The following MAF variants were observed in gnomAD, a reference collection of about 807,000 sequenced individuals.
MAF encodes the protein MAF bZIP transcription factor.
In MAF, 10 loss-of-function variants were observed where a neutral mutation model predicts 22.0. That is an observed-to-expected ratio of 0.45 (90% CI 0.28 to 0.77). The LOEUF (loss-of-function observed/expected upper bound fraction) is 0.77. Among genes scored for constraint, MAF ranks in the 30% least tolerant of loss-of-function variants. The pLI, the probability that MAF is intolerant of heterozygous loss-of-function variation, is 0.12. For missense variants in MAF, 544 were observed against 548.4 expected, an observed-to-expected ratio of 0.99 and a Z score of 0.08; for synonymous variants, 337 against 255.8, an observed-to-expected ratio of 1.32 and a Z score of -3.03.
the MAF span, among the ~76,000 whole-genome samples, chr16:79,354,678 G>T: frequency 5.9e-5 from 9 of 152,270 alleles, no homozygotes; most frequent in African/African-American, 2.2e-4. Flanking sequence ...ATGCCCATTT[G>T]TCCAAGGAAA....
the MAF span, among the ~76,000 whole-genome samples, chr16:79,215,367 C>T: frequency 6.6e-5 from 10 of 152,166 alleles, no homozygotes; most frequent in South Asian, 4.1e-4. Context: ...CATGGATGCA[C>T]CATCTTAAAA....
the MAF span, among the ~76,000 whole-genome samples, chr16:79,549,434 G>C: frequency 6.6e-6 from 1 of 152,232 alleles, no homozygotes. Flanking sequence ...GATACTGTCT[G>C]TGAAGGCAAG....
chr16:79,415,896 T>C, the MAF span, among the ~76,000 whole-genome samples: 4 of 152,168 alleles, frequency 2.6e-5, no homozygotes, highest in African/African-American at 4.8e-5. Flanking sequence ...CCAGGGGCCA[T>C]ACTCTTGCAT....
the MAF span, among the ~76,000 whole-genome samples, chr16:79,215,196 G>A: frequency 2.0e-5 from 3 of 152,184 alleles, no homozygotes; most frequent in South Asian, 2.1e-4. Flanking sequence ...CTGCACCAGT[G>A]CCACTGCTCC....
At chr16:79,583,416 G>C (rs775744154), downstream of MAF, among the ~76,000 whole-genome samples, 3 of 152,166 alleles carry the variant, frequency 2.0e-5, no homozygotes, top group Non-Finnish European at 4.4e-5. Flanking sequence ...GTTTATACCA[G>C]TTCCATCAGT....
At chr16:79,422,360 G>T in the MAF span, among the ~76,000 whole-genome samples, 1 of 152,092 alleles carries the variant, frequency 6.6e-6, no homozygotes, top group Admixed American at 6.6e-5. Context: ...TTTTATTAGT[G>T]CTCCAATAAA....
At chr16:79,377,624 T>C in the MAF span, among the ~76,000 whole-genome samples, 6 of 152,200 alleles carry the variant, frequency 3.9e-5, no homozygotes, top group East Asian at 1.9e-4. Context: ...CTGAATGGTA[T>C]TGCCTAGGTT....
the MAF span, among the ~76,000 whole-genome samples, chr16:79,405,350 G>A: frequency 2.0e-5 from 3 of 152,154 alleles, no homozygotes; most frequent in East Asian, 3.9e-4. Context: ...GAGCCTCACA[G>A]AAACAAAGTT....
At chr16:79,407,104 C>T in the MAF span, among the ~76,000 whole-genome samples, 1,315 of 152,316 alleles carry the variant, frequency 8.6e-3, 21 homozygotes, top group African/African-American at 0.03. Context: ...AGGGTGTCGT[C>T]TGGCAGTGCT....
chr16:79,211,796 A>C, the MAF span: 1 of 1,614,086 alleles, frequency 6.2e-7, no homozygotes, highest in Non-Finnish European at 8.5e-7. Flanking sequence ...AGTCCGGCTA[A>C]GTGGAGCTCA....
chr16:79,555,614 T>A, the MAF span, among the ~76,000 whole-genome samples: 2 of 152,156 alleles, frequency 1.3e-5, no homozygotes, highest in Non-Finnish European at 2.9e-5. Context: ...TCCAAAATGC[T>A]CCAAAACTGA....
At chr16:79,269,614 T>C in the MAF span, among the ~76,000 whole-genome samples, 2 of 152,162 alleles carry the variant, frequency 1.3e-5, no homozygotes, top group Admixed American at 6.5e-5. Context: ...ATGGCTGATC[T>C]GAAACTCCGG....
chr16:79,526,292 C>G, the MAF span, among the ~76,000 whole-genome samples: 26 of 152,142 alleles, frequency 1.7e-4, no homozygotes, highest in African/African-American at 6.0e-4. Context: ...TAGTTAGATT[C>G]TCATAAGGAG....
the MAF span, among the ~76,000 whole-genome samples, chr16:79,252,608 G>C: frequency 6.6e-6 from 1 of 152,090 alleles, no homozygotes. Context: ...TCCTGCCTGA[G>C]CCACCAAGGT....
chr16:79,436,111 C>G, the MAF span, among the ~76,000 whole-genome samples: 1 of 152,206 alleles, frequency 6.6e-6, no homozygotes, highest in African/African-American at 2.4e-5. Context: ...GAAACAGAGT[C>G]TAGCTCTGTC....
chr16:79,302,885 T>C, the MAF span, among the ~76,000 whole-genome samples: 5 of 152,234 alleles, frequency 3.3e-5, no homozygotes, highest in Non-Finnish European at 7.3e-5. Flanking sequence ...GTCTGTTTAA[T>C]GTAACTGGGA....
chr16:79,497,350 C>A, the MAF span, among the ~76,000 whole-genome samples: 21 of 152,244 alleles, frequency 1.4e-4, 1 homozygote, highest in African/African-American at 4.1e-4. Flanking sequence ...CAGATGCTGC[C>A]ATGTATGCCC....
the MAF span, among the ~76,000 whole-genome samples, chr16:79,511,642 T>A: frequency 2.0e-5 from 3 of 152,232 alleles, no homozygotes; most frequent in Admixed American, 1.3e-4. Context: ...TAAGATAATA[T>A]GTATGGTACA....
the MAF span, among the ~76,000 whole-genome samples, chr16:79,474,905 A>G: frequency 6.6e-6 from 1 of 152,216 alleles, no homozygotes. Flanking sequence ...ACCATCATCT[A>G]ATTCAAATAC....
Sources: allele counts gnomAD v4.1 joint callset (sites outside exome capture counted in the v4.1 genomes callset), GRCh38; gene constraint gnomAD v4.1.1; transcripts MANE v1.5; gene names NCBI Gene and HGNC (gene_info 2026-07-23, HGNC 2026-07-21).